Variants in CNIH3 observed in about 807,000 individuals in gnomAD.
The protein encoded by CNIH3 is protein cornichon homolog 3.
CNIH3 carries 14 observed loss-of-function variants against 24.1 expected under a neutral mutation model. That is an observed-to-expected ratio of 0.58 (90% CI 0.38 to 0.91). The LOEUF (loss-of-function observed/expected upper bound fraction) is 0.91, where lower values mean the gene tolerates loss of function less well. CNIH3 is among the 40% of genes least tolerant of loss of function. The pLI is 0.00. For synonymous variants in CNIH3, 68 were observed against 73.8 expected, an observed-to-expected ratio of 0.92 and a Z score of 0.40; for missense variants, 178 against 196.8, an observed-to-expected ratio of 0.90 and a Z score of 0.57.
chr1:224,512,352 C>G (rs932785047), upstream of CNIH3, among the ~76,000 whole-genome samples: 4 of 152,094 alleles, frequency 2.6e-5, no homozygotes, highest in African/African-American at 9.7e-5. Context: ...CATGGTGGTG[C>G]ACGCCTGTAG....
chr1:224,656,017 C>A (rs571371393), intron 1 of CNIH3, among the ~76,000 whole-genome samples: 1 of 152,068 alleles, frequency 6.6e-6, no homozygotes, highest in Non-Finnish European at 1.5e-5. Context: ...ATGTTAAGAC[C>A]CGGGAGTGTC....
At chr1:224,513,512 C>G (rs61825837), upstream of CNIH3, among the ~76,000 whole-genome samples, 9,964 of 151,972 alleles carry the variant, frequency 0.066, 503 homozygotes, top group Non-Finnish European at 0.094. Context: ...TTGCAATGCC[C>G]GAGCCCCACT....
chr1:224,480,083 T>C (rs927130672), intron 1 of CNIH3, among the ~76,000 whole-genome samples: 1 of 152,236 alleles, frequency 6.6e-6, no homozygotes, highest in Admixed American at 6.5e-5. Flanking sequence ...ATACATCTTC[T>C]GAAATCTAGG....
chr1:224,459,979 C>T (rs1675840672), intron 1 of CNIH3, among the ~76,000 whole-genome samples: 1 of 150,790 alleles, frequency 6.6e-6, no homozygotes, highest in Non-Finnish European at 1.5e-5. Context: ...TGGGCTCAAG[C>T]GATCTTCCTG....
chr1:224,686,779 C>T (rs1686682454), intron 3 of CNIH3, among the ~76,000 whole-genome samples: 1 of 152,242 alleles, frequency 6.6e-6, no homozygotes, highest in Non-Finnish European at 1.5e-5. Context: ...AGGCAATGGC[C>T]AAGGTCCTGT....
chr1:224,614,883 G>T (rs560985490), upstream of CNIH3, among the ~76,000 whole-genome samples: 5 of 150,322 alleles, frequency 3.3e-5, no homozygotes, highest in Middle Eastern at 7.4e-3. Flanking sequence ...GGAGGTGGAG[G>T]TTGCAGAGAT....
At chr1:224,737,428 C>T (rs1376742088) in intron 5 of CNIH3, among the ~76,000 whole-genome samples, 3 of 152,158 alleles carry the variant, frequency 2.0e-5, no homozygotes, top group Admixed American at 1.3e-4. Flanking sequence ...TCACTGGGAC[C>T]CTGGGTGGCC....
upstream of CNIH3, among the ~76,000 whole-genome samples, chr1:224,613,666 G>C (rs1248113660): frequency 6.6e-6 from 1 of 152,106 alleles, no homozygotes. Flanking sequence ...CACAAGATCT[G>C]GTTATTTACA....
chr1:224,559,329 G>A (rs1379396822), intron 3 of CNIH3, among the ~76,000 whole-genome samples: 1 of 152,110 alleles, frequency 6.6e-6, no homozygotes, highest in Non-Finnish European at 1.5e-5. Flanking sequence ...TAACTCATTT[G>A]TGATTAGTCT....
At position 224,680,958 on chromosome 1, in the gene CNIH3, A is replaced by C. The variant is rs1472406203; in HGVS notation, c.82A>C (p.Ile28Leu). 1 of 1,612,590 alleles carries C rather than the reference A, an allele frequency of 6.2e-7. No individual in the cohort carries two copies. Among genetic ancestry groups the C allele is most frequent in the African/African-American group, 1.3e-5 (1 of 75,024 alleles). The change falls in exon 2 of 6, where the codon ATA (isoleucine) becomes CTA (leucine). Residue 28 changes from isoleucine (I) to leucine (L), a missense_variant and splice_region_variant. Transcript: ENST00000272133. Reference protein sequence around the residue: ...AALIFFAIWHIIAFDELRTDF... With the variant: ...AALIFFAIWHLIAFDELRTDF... ...CTCAAATCTCTGTATTCTGTTTCAG[A>C]TAATTGCCTTTGATGAGTTAAGGAC...
At chr1:224,559,000 C>G (rs1680256347) in intron 3 of CNIH3, among the ~76,000 whole-genome samples, 1 of 152,070 alleles carries the variant, frequency 6.6e-6, no homozygotes, top group Non-Finnish European at 1.5e-5. Flanking sequence ...GCCAGCTTAC[C>G]CATTAATTAT....
At chr1:224,485,410 C>T (rs193290376) in intron 1 of CNIH3, among the ~76,000 whole-genome samples, 2 of 152,210 alleles carry the variant, frequency 1.3e-5, no homozygotes, top group Non-Finnish European at 2.9e-5. Flanking sequence ...CATCAGCCTT[C>T]TTCCATTCCA....
In CNIH3 at chr1:224,700,184, G is replaced by A. The variant is rs563679861; in HGVS notation, c.198+15341G>A. ...GGCCACTAATAAAACCCCACGTCTT[G>A]TTTGCTAGCTCTGGGTCTCTTCTTC... On this transcript the variant is annotated intron_variant, in intron 3 of 5. Coordinates refer to ENST00000272133, the MANE Select transcript of CNIH3 (RefSeq NM_152495.2). Among the ~76,000 whole-genome samples the A allele has an allele frequency of 5.9e-5, 9 of 152,302 alleles. No homozygotes were observed. In the South Asian group the frequency reaches 1.9e-3, roughly 32 times the overall value.
upstream of CNIH3, among the ~76,000 whole-genome samples, chr1:224,613,175 AT>A (rs1422341605): frequency 6.6e-6 from 1 of 151,900 alleles, no homozygotes; most frequent in Non-Finnish European, 1.5e-5. Context: ...TTTTATTTTC[AT>A]TTTTGTAGAG....
chr1:224,624,020 C>T (rs548652794), intron 1 of CNIH3, among the ~76,000 whole-genome samples: 56 of 152,352 alleles, frequency 3.7e-4, no homozygotes, highest in African/African-American at 7.5e-4. Context: ...TCAGAAACCA[C>T]GGAGACTAAT....
At chr1:224,503,361 TTCTG>T (rs1359972861) in intron 1 of CNIH3, among the ~76,000 whole-genome samples, 4 of 152,170 alleles carry the variant, frequency 2.6e-5, no homozygotes, top group Non-Finnish European at 5.9e-5. Flanking sequence ...CCTCCCTTGC[TTCTG>T]TCTTTGTTCC....
At chr1:224,509,804 G>A (rs1044466796) in intron 1 of CNIH3, among the ~76,000 whole-genome samples, 6 of 152,210 alleles carry the variant, frequency 3.9e-5, no homozygotes, top group Non-Finnish European at 8.8e-5. Flanking sequence ...TGCATGCTGG[G>A]GTGGTGTCCA....
intron 1 of CNIH3, among the ~76,000 whole-genome samples, chr1:224,477,789 A>T (rs1318787922): frequency 6.6e-6 from 1 of 152,154 alleles, no homozygotes; most frequent in Non-Finnish European, 1.5e-5. Context: ...CTTATTGCTT[A>T]TTAATGTCTT....
intron 1 of CNIH3, among the ~76,000 whole-genome samples, chr1:224,487,499 T>A (rs1190951477): frequency 6.6e-6 from 1 of 152,214 alleles, no homozygotes; most frequent in African/African-American, 2.4e-5. Flanking sequence ...CTCCCCAAAG[T>A]GGAGAAATGG....
Sources: allele counts gnomAD v4.1 joint callset (sites outside exome capture counted in the v4.1 genomes callset), GRCh38; gene constraint gnomAD v4.1.1; transcripts MANE v1.5; gene names NCBI Gene and HGNC (gene_info 2026-07-23, HGNC 2026-07-21).